DPP10: variants seen among roughly 807,000 people sequenced by gnomAD.
The protein encoded by DPP10 is dipeptidyl peptidase like 10.
Under a neutral mutation model 120.9 loss-of-function variants are expected in DPP10, and 33 were observed. The ratio of observed to expected loss-of-function variants is 0.27; its 90% confidence interval spans 0.21 to 0.37. The LOEUF (loss-of-function observed/expected upper bound fraction) is 0.37, where lower values mean the gene tolerates loss of function less well. Among genes scored for constraint, DPP10 ranks in the 10% least tolerant of loss-of-function variants. DPP10 has a pLI of 1.00. For synonymous variants in DPP10, 337 were observed against 326.1 expected, an observed-to-expected ratio of 1.03 and a Z score of -0.36; for missense variants, 816 against 942.8, an observed-to-expected ratio of 0.87 and a Z score of 1.76.
At chr2:114,763,165 G>A (rs1425633616) in intron 1 of DPP10, among the ~76,000 whole-genome samples, 2 of 152,258 alleles carry the variant, frequency 1.3e-5, no homozygotes, top group East Asian at 1.9e-4. Flanking sequence ...TGCTTTGGGA[G>A]ATACCGCAGG....
At chr2:115,732,230 A>G (rs1303721714) in intron 8 of DPP10, among the ~76,000 whole-genome samples, 1 of 152,150 alleles carries the variant, frequency 6.6e-6, no homozygotes, top group African/African-American at 2.4e-5. Flanking sequence ...ATGTCATAGA[A>G]AAAAAAGATG....
At chr2:115,702,783 G>C (rs889069871) in intron 7 of DPP10, among the ~76,000 whole-genome samples, 1 of 152,050 alleles carries the variant, frequency 6.6e-6, no homozygotes, top group Admixed American at 6.6e-5. Flanking sequence ...TGTGATAATA[G>C]CTGCACACAT....
At position 115,155,719 on chromosome 2, in the gene DPP10, T is replaced by C. The variant is rs138437307; in HGVS notation, c.61-153520T>C. The stretch of plus-strand genomic sequence containing the variant: ...GGAAGTTACACTTTTGACTGCATTC[T>C]AAAATTATACAAATATATAGAAAAC... On this transcript the variant is annotated intron_variant, in intron 1 of 25. Transcript: ENST00000410059. 4.1e-4 allele frequency among the ~76,000 whole-genome samples: 63 copies of C among 152,334 alleles called. No homozygotes were observed. In the East Asian group the frequency reaches 0.011, roughly 28 times the overall value.
At chr2:115,496,193 A>T (rs1403172777) in intron 3 of DPP10, among the ~76,000 whole-genome samples, 3 of 152,060 alleles carry the variant, frequency 2.0e-5, no homozygotes, top group Admixed American at 2.0e-4. Context: ...AACAAAAAAA[A>T]CCCCAAGAAA....
At chr2:115,095,550 A>G (rs1709650064) in intron 1 of DPP10, among the ~76,000 whole-genome samples, 1 of 151,532 alleles carries the variant, frequency 6.6e-6, no homozygotes, top group Non-Finnish European at 1.5e-5. Flanking sequence ...CTTGTTCCCA[A>G]AAGGAATTCT....
chr2:114,725,602 G>A (rs1434689653), intron 1 of DPP10, among the ~76,000 whole-genome samples: 1 of 152,112 alleles, frequency 6.6e-6, no homozygotes, highest in Admixed American at 6.5e-5. Context: ...TGATGAAGAC[G>A]GCTGATTTTT....
intron 1 of DPP10, among the ~76,000 whole-genome samples, chr2:114,662,238 A>C (rs866525112): frequency 2.0e-4 from 30 of 152,190 alleles, no homozygotes; most frequent in African/African-American, 6.8e-4. Flanking sequence ...GGGAGACTGG[A>C]AAAGCAGACA....
intron 5 of DPP10, among the ~76,000 whole-genome samples, chr2:115,619,506 C>A (rs535785734): frequency 2.6e-5 from 4 of 152,316 alleles, no homozygotes; most frequent in African/African-American, 7.2e-5. Flanking sequence ...AATCTCCTTA[C>A]AATTCTCGCA....
At chr2:114,949,620 T>C (rs1352255306) in intron 1 of DPP10, among the ~76,000 whole-genome samples, 1 of 152,176 alleles carries the variant, frequency 6.6e-6, no homozygotes, top group Non-Finnish European at 1.5e-5. Flanking sequence ...GATGTTGCAA[T>C]GCTGGGTCTG....
At chr2:115,076,005 C>T (rs1032793579) in intron 1 of DPP10, among the ~76,000 whole-genome samples, 20 of 152,096 alleles carry the variant, frequency 1.3e-4, no homozygotes, top group Admixed American at 5.2e-4. Flanking sequence ...GGTTTTCATT[C>T]ACCCTGTGCT....
At chr2:114,850,087 T>C (rs1333841708) in intron 1 of DPP10, among the ~76,000 whole-genome samples, 1 of 147,756 alleles carries the variant, frequency 6.8e-6, no homozygotes, top group Non-Finnish European at 1.5e-5. Context: ...AGTTTCTCTA[T>C]GTTGCCCAGG....
Position 114,736,712 on chromosome 2 carries a change from C to T in DPP10, c.60+293874C>T, listed in dbSNP as rs116835091. The stretch of plus-strand genomic sequence containing the variant: ...CAAAGATGATCCAACTTTCCTCTTG[C>T]TCTTGGCTATGTTCTATACAGTGCA... On this transcript the variant is annotated intron_variant, in intron 1 of 25. Transcript: ENST00000410059. Among the ~76,000 whole-genome samples the T allele has an allele frequency of 4.7e-3, 722 of 152,282 alleles. 10 individuals carry two copies. Among genetic ancestry groups the T allele is most frequent in the Non-Finnish European group, 3.6e-3 (246 of 68,018 alleles).
chr2:114,638,614 G>A (rs1695477959), intron 1 of DPP10, among the ~76,000 whole-genome samples: 1 of 151,792 alleles, frequency 6.6e-6, no homozygotes, highest in East Asian at 1.9e-4. Context: ...TTATTAAAAA[G>A]CCAAATAATA....
intron 1 of DPP10, among the ~76,000 whole-genome samples, chr2:114,653,014 G>GAA (rs1696713381): frequency 1.5e-5 from 2 of 135,866 alleles, no homozygotes; most frequent in African/African-American, 5.8e-5. Flanking sequence ...GAGAGAAAGA[G>GAA]AGAGAGAGAG....
intron 1 of DPP10, among the ~76,000 whole-genome samples, chr2:114,571,984 G>C (rs1323721910): frequency 1.3e-5 from 2 of 148,618 alleles, no homozygotes; most frequent in African/African-American, 2.5e-5. Flanking sequence ...TGTATATGTA[G>C]TATATAATAC....
chr2:114,447,377 G>T (rs1027043172), intron 1 of DPP10, among the ~76,000 whole-genome samples: 8 of 152,026 alleles, frequency 5.3e-5, no homozygotes, highest in Non-Finnish European at 1.0e-4. Context: ...AACTTGAATT[G>T]TAAGTTATTC....
chr2:114,654,780 G>A (rs1421119294), intron 1 of DPP10, among the ~76,000 whole-genome samples: 1 of 152,078 alleles, frequency 6.6e-6, no homozygotes, highest in African/African-American at 2.4e-5. Context: ...TACCTGGCCA[G>A]TCCCAGCAAA....
Position 114,643,934 on chromosome 2 carries a change from TA to T in DPP10, c.60+201097del, listed in dbSNP as rs1236926174. Among the ~76,000 whole-genome samples the T allele has an allele frequency of 4.1e-3, 487 of 117,542 alleles. 6 individuals carry two copies. The highest frequency in any genetic ancestry group is 0.015 in the African/African-American group (405 of 27,020). The allele number at this position is 117,542 out of a possible 152,430, so 77.1% of individuals were successfully genotyped here. A position where few individuals can be genotyped will look rare whatever the true frequency, so the allele number is the denominator to read the frequency against. ...ATATGTGTGTGTATATATATATATA[TA>T]TTTTTTTTTTTTTTTTTGAGACAGA... On this transcript the variant is annotated intron_variant, in intron 1 of 25. Coordinates refer to ENST00000410059, the MANE Select transcript of DPP10 (RefSeq NM_020868.6).
intron 1 of DPP10, among the ~76,000 whole-genome samples, chr2:114,521,509 A>G (rs1405769580): frequency 1.3e-5 from 2 of 152,204 alleles, no homozygotes; most frequent in Non-Finnish European, 2.9e-5. Context: ...GAAGTCAGAC[A>G]TAGAAGATAC....
Sources: gnomAD v4.1 joint callset for allele counts (sites outside exome capture counted in the v4.1 genomes callset) on GRCh38, gnomAD v4.1.1 for gene constraint, MANE v1.5 for transcripts, NCBI Gene and HGNC (gene_info 2026-07-23, HGNC 2026-07-21) for gene names.